DENND1B: variants seen among roughly 807,000 people sequenced by gnomAD.
DENND1B encodes the protein DENN domain-containing protein 1B.
A neutral mutation model predicts 90.1 loss-of-function variants in DENND1B; 59 were observed. The ratio of observed to expected loss-of-function variants is 0.65; its 90% CI spans 0.53 to 0.81. The LOEUF (loss-of-function observed/expected upper bound fraction) is 0.81. Ranked by LOEUF, DENND1B falls within the 40% of genes least tolerant of loss-of-function variation. The pLI, the probability that DENND1B is intolerant of heterozygous loss-of-function variation, is 0.00. For synonymous variants in DENND1B, 337 were observed against 324.6 expected (o/e 1.04, Z -0.41); for missense variants, 862 against 912.6 (o/e 0.94, Z 0.71).
chr1:197,514,544 G>A (rs1016755171), intron 20 of DENND1B, among the ~76,000 whole-genome samples: 3 of 151,496 alleles, frequency 2.0e-5, no homozygotes, highest in Non-Finnish European at 4.4e-5. Flanking sequence ...TAAATGATAT[G>A]CTTTTGGGTA....
chr1:197,713,905 A>ATT (rs372372982), intron 3 of DENND1B, among the ~76,000 whole-genome samples: 1 of 3,446 alleles, frequency 2.9e-4, no homozygotes. Context: ...TATATTATAT[A>ATT]ATATATTATA....
chr1:197,683,750 T>C (rs1395825888), intron 3 of DENND1B, among the ~76,000 whole-genome samples: 1 of 152,216 alleles, frequency 6.6e-6, no homozygotes, highest in Non-Finnish European at 1.5e-5. Flanking sequence ...AAATTTTCTC[T>C]TACAACGATG....
intron 2 of DENND1B, among the ~76,000 whole-genome samples, chr1:197,758,244 G>T (rs1273894380): frequency 3.9e-5 from 6 of 152,114 alleles, no homozygotes; most frequent in Non-Finnish European, 5.9e-5. Context: ...ACCAAAATAC[G>T]TGTCTTCTAT....
chr1:197,671,999 C>A, intron 5 of DENND1B, 38 bp downstream of exon 5: 2 of 1,594,174 alleles, frequency 1.3e-6, no homozygotes, highest in South Asian at 1.1e-5. Context: ...AGATAGTTAC[C>A]TATTTTGCAT....
At chr1:197,580,087 C>CTTTTTTTTTTTTT (rs139056668) in intron 15 of DENND1B, among the ~76,000 whole-genome samples, 132 of 76,746 alleles carry the variant, frequency 1.7e-3, no homozygotes, top group Middle Eastern at 8.9e-3. Context: ...TTCTTTCTTT[C>CTTTTTTTTTTTTT]TTTTTTTTTT....
chr1:197,722,734 A>C (rs1294041064), intron 2 of DENND1B, among the ~76,000 whole-genome samples: 1 of 152,164 alleles, frequency 6.6e-6, no homozygotes, highest in Non-Finnish European at 1.5e-5. Flanking sequence ...AAATGAAAAC[A>C]TTATTTCAAG....
chr1:197,591,886 G>GT (rs1246626124), intron 14 of DENND1B, among the ~76,000 whole-genome samples: 101 of 152,026 alleles, frequency 6.6e-4, no homozygotes, highest in Non-Finnish European at 3.2e-4. Flanking sequence ...CGAGGCAGGT[G>GT]TATCACGAGG....
chr1:197,680,884 T>C (rs1656615336), intron 3 of DENND1B, among the ~76,000 whole-genome samples: 1 of 152,102 alleles, frequency 6.6e-6, no homozygotes, highest in Non-Finnish European at 1.5e-5. Flanking sequence ...CAAGGATTTA[T>C]TTGAGGAATT....
intron 10 of DENND1B, among the ~76,000 whole-genome samples, chr1:197,630,226 A>G (rs999903661): frequency 2.0e-5 from 3 of 152,100 alleles, no homozygotes; most frequent in Non-Finnish European, 4.4e-5. Flanking sequence ...CTACTATAAC[A>G]AAATACCTCA....
At chr1:197,691,749 A>G (rs1342339102) in intron 3 of DENND1B, among the ~76,000 whole-genome samples, 1 of 151,982 alleles carries the variant, frequency 6.6e-6, no homozygotes, top group African/African-American at 2.4e-5. Context: ...AATGTGTTAT[A>G]TACATACAAT....
intron 15 of DENND1B, among the ~76,000 whole-genome samples, chr1:197,554,584 A>G (rs1021132044): frequency 1.3e-5 from 2 of 152,076 alleles, no homozygotes; most frequent in Non-Finnish European, 2.9e-5. Flanking sequence ...TCACGCCTGT[A>G]ATACCAGCGT....
Position 197,775,180 on chromosome 1 carries a change from C to T in DENND1B, c.-25G>A. ...TGGTTACATGTCGGTGTGGGGCTGTCCGTCCGGCCCCCGCGCGCTGGCCTG... is the reference window on the plus strand; with the variant it reads ...TGGTTACATGTCGGTGTGGGGCTGTTCGTCCGGCCCCCGCGCGCTGGCCTG... On this transcript the variant is annotated 5_prime_UTR_variant, in exon 1 of 23. Transcript: ENST00000620048. 7.8e-7 allele frequency: 1 copy of T among 1,274,592 alleles called. No homozygotes were observed. The allele number at this position is 1,274,592 out of a possible 1,614,324, so 79.0% of individuals were successfully genotyped here.
chr1:197,565,941 A>T (rs2125716115), intron 15 of DENND1B, among the ~76,000 whole-genome samples: 1 of 151,112 alleles, frequency 6.6e-6, no homozygotes, highest in South Asian at 2.1e-4. Context: ...ATAGTGCCGC[A>T]ATAAACATAT....
At chr1:197,636,925 G>A (rs554048180) in intron 10 of DENND1B, among the ~76,000 whole-genome samples, 69 of 152,050 alleles carry the variant, frequency 4.5e-4, no homozygotes, top group Admixed American at 7.2e-4. Context: ...AAAAGATGGC[G>A]AGTTGCATTT....
intron 2 of DENND1B, among the ~76,000 whole-genome samples, chr1:197,742,798 C>T (rs1449172070): frequency 3.3e-5 from 5 of 152,160 alleles, no homozygotes; most frequent in Non-Finnish European, 7.4e-5. Context: ...CATCAGAAAT[C>T]TGTATAAGGG....
upstream of DENND1B, among the ~76,000 whole-genome samples, chr1:197,777,821 T>G (rs1657338687): frequency 1.3e-5 from 2 of 152,164 alleles, no homozygotes; most frequent in South Asian, 4.1e-4. Context: ...TTTAGTTAAT[T>G]TTTTAAATGT....
chr1:197,705,876 A>C (rs1043868108), intron 3 of DENND1B, among the ~76,000 whole-genome samples: 1 of 152,082 alleles, frequency 6.6e-6, no homozygotes, highest in African/African-American at 2.4e-5. Context: ...GATATTTATA[A>C]ATCTAAAAAG....
At chr1:197,619,314 T>C (rs912527896) in intron 10 of DENND1B, among the ~76,000 whole-genome samples, 1 of 151,124 alleles carries the variant, frequency 6.6e-6, no homozygotes, top group Admixed American at 6.6e-5. Flanking sequence ...GAAAATGGGG[T>C]TGATCTAACT....
intron 10 of DENND1B, among the ~76,000 whole-genome samples, chr1:197,624,621 C>A (rs138846107): frequency 0.03 from 4,547 of 151,874 alleles, 99 homozygotes; most frequent in Middle Eastern, 0.082. Flanking sequence ...TCTCCTCCTC[C>A]AAAGGAACAC....
Sources: allele counts gnomAD v4.1 joint callset (sites outside exome capture counted in the v4.1 genomes callset), GRCh38; gene constraint gnomAD v4.1.1; transcripts MANE v1.5; gene names NCBI Gene and HGNC (gene_info 2026-07-23, HGNC 2026-07-21).